The following ATRNL1 variants were observed in gnomAD, a reference collection of about 807,000 sequenced individuals.
ATRNL1 encodes the protein attractin-like protein 1.
ATRNL1 carries 95 observed loss-of-function variants against 182.7 expected under a neutral mutation model. The ratio of observed to expected loss-of-function variants is 0.52; its 90% CI spans 0.44 to 0.62. The LOEUF is 0.62. Ranked by LOEUF, ATRNL1 falls within the 20% of genes least tolerant of loss-of-function variation. The probability of loss-of-function intolerance (pLI) is 0.00; values close to 1 mark genes in which losing one functional copy is unlikely to be tolerated. For missense variants in ATRNL1, 1,471 were observed against 1,679.5 expected (o/e 0.88, Z 2.17); for synonymous variants, 576 against 568.3 (o/e 1.01, Z -0.19).
At chr10:115,282,611 A>G (rs1384188693) in intron 14 of ATRNL1, among the ~76,000 whole-genome samples, 1 of 152,174 alleles carries the variant, frequency 6.6e-6, no homozygotes, top group Non-Finnish European at 1.5e-5. Context: ...AATATAAAAG[A>G]TAAAATTAGA....
chr10:115,147,815 T>C (rs1471226237), intron 5 of ATRNL1, among the ~76,000 whole-genome samples: 2 of 152,186 alleles, frequency 1.3e-5, no homozygotes, highest in African/African-American at 4.8e-5. Flanking sequence ...GTTTCATTGA[T>C]CTATATGTCT....
intron 26 of ATRNL1, among the ~76,000 whole-genome samples, chr10:115,567,476 T>C (rs1255945550): frequency 6.6e-6 from 1 of 152,160 alleles, no homozygotes; most frequent in African/African-American, 2.4e-5. Context: ...ATCTATTTTA[T>C]GCAGAAATTT....
intron 27 of ATRNL1, among the ~76,000 whole-genome samples, chr10:115,826,280 C>A (rs1414833113): frequency 6.6e-6 from 1 of 152,122 alleles, no homozygotes; most frequent in Non-Finnish European, 1.5e-5. Context: ...AGCTTTCTTG[C>A]TCCCACAGTT....
intron 19 of ATRNL1, among the ~76,000 whole-genome samples, chr10:115,340,274 C>T (rs1855678315): frequency 6.6e-6 from 1 of 152,030 alleles, no homozygotes; most frequent in Non-Finnish European, 1.5e-5. Flanking sequence ...CTCCAAGTAG[C>T]TGGGACTGCA....
chr10:115,850,819 A>G (rs544501643), intron 28 of ATRNL1, among the ~76,000 whole-genome samples: 5 of 152,166 alleles, frequency 3.3e-5, no homozygotes, highest in Admixed American at 6.5e-5. Context: ...GAAGCCCTCT[A>G]TGTTCTCTTG....
chr10:115,819,526 T>C (rs1444488570), intron 27 of ATRNL1, among the ~76,000 whole-genome samples: 6 of 152,128 alleles, frequency 3.9e-5, no homozygotes, highest in Non-Finnish European at 5.9e-5. Flanking sequence ...AGTGATCCCC[T>C]AGTCCTGCAA....
At chr10:115,699,319 A>G (rs1311515531) in intron 26 of ATRNL1, among the ~76,000 whole-genome samples, 1 of 152,210 alleles carries the variant, frequency 6.6e-6, no homozygotes, top group Non-Finnish European at 1.5e-5. Flanking sequence ...GCAAAGTATC[A>G]AGAATATCCA....
intron 28 of ATRNL1, among the ~76,000 whole-genome samples, chr10:115,870,060 C>T (rs1555105720): frequency 2.1e-5 from 3 of 139,820 alleles, no homozygotes; most frequent in African/African-American, 8.2e-5. Context: ...TGGTTATTTC[C>T]TTGGGACACA....
chr10:115,631,105 TACA>T (rs1858476981), intron 26 of ATRNL1, among the ~76,000 whole-genome samples: 1 of 151,946 alleles, frequency 6.6e-6, no homozygotes, highest in African/African-American at 2.4e-5. Flanking sequence ...GGTCAAATGG[TACA>T]ACGTTTCATA....
chr10:115,696,896 AGAGC>A (rs782805986), intron 26 of ATRNL1, among the ~76,000 whole-genome samples: 162 of 148,424 alleles, frequency 1.1e-3, no homozygotes, highest in East Asian at 3.9e-3. Flanking sequence ...AGAGAGAGAG[AGAGC>A]GAGCGAGCTA....
chr10:115,551,738 CAAAGT>C (rs1366464052), intron 26 of ATRNL1, among the ~76,000 whole-genome samples: 1 of 151,134 alleles, frequency 6.6e-6, no homozygotes, highest in African/African-American at 2.4e-5. Flanking sequence ...TATTGATGTC[CAAAGT>C]AAAGATGACA....
At chr10:115,536,592 G>A (rs1325896887) in intron 25 of ATRNL1, among the ~76,000 whole-genome samples, 2 of 152,142 alleles carry the variant, frequency 1.3e-5, no homozygotes, top group South Asian at 2.1e-4. Context: ...GCCCTGCTTC[G>A]GCTCTCGCAC....
At chr10:115,207,682 C>A (rs888924049) in intron 8 of ATRNL1, among the ~76,000 whole-genome samples, 3 of 151,958 alleles carry the variant, frequency 2.0e-5, no homozygotes, top group Admixed American at 6.6e-5. Context: ...CTTGCCCCCC[C>A]ACATTTTACT....
intron 26 of ATRNL1, among the ~76,000 whole-genome samples, chr10:115,593,333 A>G (rs1555012929): frequency 6.6e-6 from 1 of 152,210 alleles, no homozygotes. Context: ...TCACATCCTA[A>G]TCCCAAAATC....
At chr10:115,877,180 A>G (rs559207260) in intron 28 of ATRNL1, among the ~76,000 whole-genome samples, 9 of 152,352 alleles carry the variant, frequency 5.9e-5, no homozygotes, top group African/African-American at 2.2e-4. Context: ...GATTGAAGCT[A>G]GGATGCTACT....
At chr10:115,460,446 TA>T (rs1240692721) in intron 21 of ATRNL1, among the ~76,000 whole-genome samples, 8 of 152,154 alleles carry the variant, frequency 5.3e-5, no homozygotes, top group Non-Finnish European at 1.0e-4. Context: ...CTTTCTTTCT[TA>T]AAAAGGCTGC....
At chr10:115,623,351 C>T (rs998510895) in intron 26 of ATRNL1, among the ~76,000 whole-genome samples, 14 of 151,950 alleles carry the variant, frequency 9.2e-5, no homozygotes, top group African/African-American at 3.4e-4. Flanking sequence ...CCTGAAATGC[C>T]AGGAATGAAC....
chr10:115,749,662 T>C (rs1226988142), intron 27 of ATRNL1, among the ~76,000 whole-genome samples: 4 of 151,916 alleles, frequency 2.6e-5, no homozygotes, highest in Admixed American at 2.0e-4. Flanking sequence ...AATAATTGAT[T>C]CATCTCATTA....
In ATRNL1 at chr10:115,169,971, A is replaced by G. The variant is rs375711272; in HGVS notation, c.1093-1066A>G. ...TTACAAGTGTATGGAAATACAATTT[A>G]CTTTTTGTACATTGATCTTATGTTC... On this transcript the variant is annotated intron_variant, in intron 7 of 28. Transcript: ENST00000355044. Among the ~76,000 whole-genome samples, 30 of 152,244 alleles carry G rather than the reference A, an allele frequency of 2.0e-4. No homozygotes were observed. In the East Asian group the frequency reaches 4.2e-3, roughly 22 times the overall value.
Sources: gnomAD v4.1 joint callset for allele counts (sites outside exome capture counted in the v4.1 genomes callset) on GRCh38, gnomAD v4.1.1 for gene constraint, MANE v1.5 for transcripts, NCBI Gene and HGNC (gene_info 2026-07-23, HGNC 2026-07-21) for gene names.